Variants in CCDC102B observed in about 807,000 individuals in gnomAD.
The protein encoded by CCDC102B is coiled-coil domain containing 102B.
CCDC102B carries 75 observed loss-of-function variants against 57.4 expected under a neutral mutation model. That is an observed-to-expected ratio of 1.31 (90% CI 1.08 to 1.58). The LOEUF (loss-of-function observed/expected upper bound fraction) is 1.58. Among genes scored for constraint, CCDC102B ranks in the 40% most tolerant of loss-of-function variants. The pLI, the probability that CCDC102B is intolerant of heterozygous loss-of-function variation, is 0.00. For synonymous variants in CCDC102B, 206 were observed against 201.9 expected (o/e 1.02, Z -0.17); for missense variants, 636 against 582.6 (o/e 1.09, Z -0.94).
intron 2 of CCDC102B, among the ~76,000 whole-genome samples, chr18:68,765,263 A>T (rs978121096): frequency 6.7e-6 from 1 of 148,282 alleles, no homozygotes; most frequent in Non-Finnish European, 1.5e-5. Context: ...AGAAGGAGGA[A>T]GGAGAGAAAG....
intron 2 of CCDC102B, among the ~76,000 whole-genome samples, chr18:68,765,287 AG>A (rs576646177): frequency 1.0e-3 from 97 of 97,072 alleles, no homozygotes; most frequent in African/African-American, 3.6e-3. Flanking sequence ...AAGAAAGAAA[AG>A]AAAGAAAGGA....
chr18:68,987,222 C>T (rs527295270), intron 6 of CCDC102B, among the ~76,000 whole-genome samples: 7 of 152,088 alleles, frequency 4.6e-5, no homozygotes, highest in Non-Finnish European at 8.8e-5. Context: ...AGAAAACAGA[C>T]ACATTGACCA....
intron 6 of CCDC102B, among the ~76,000 whole-genome samples, chr18:68,903,827 G>GT (rs2145043917): frequency 6.6e-6 from 1 of 152,266 alleles, no homozygotes; most frequent in East Asian, 1.9e-4. Context: ...TGCCCGGGCA[G>GT]TAATGATGTG....
At chr18:68,835,811 G>A (rs905678145) in intron 1 of CCDC102B, among the ~76,000 whole-genome samples, 2 of 152,112 alleles carry the variant, frequency 1.3e-5, no homozygotes, top group South Asian at 4.1e-4. Context: ...TCAAACACAC[G>A]GAAGGCAGAG....
intron 6 of CCDC102B, among the ~76,000 whole-genome samples, chr18:68,951,011 G>T (rs2049682120): frequency 6.6e-6 from 1 of 152,110 alleles, no homozygotes; most frequent in Non-Finnish European, 1.5e-5. Context: ...ATGGGACAGA[G>T]TTAACAATCT....
intron 4 of CCDC102B, among the ~76,000 whole-genome samples, chr18:68,857,117 ATATTT>A (rs2038439495): frequency 1.7e-5 from 1 of 58,940 alleles, no homozygotes; most frequent in African/African-American, 7.3e-5. Flanking sequence ...ATATATAAAT[ATATTT>A]ATATATTTTT....
At chr18:68,946,409 A>C (rs1291121436) in intron 6 of CCDC102B, among the ~76,000 whole-genome samples, 1 of 152,058 alleles carries the variant, frequency 6.6e-6, no homozygotes, top group Non-Finnish European at 1.5e-5. Flanking sequence ...TAGTGTGTGA[A>C]TATTACATAC....
chr18:69,008,229 A>G (rs2051405967), intron 6 of CCDC102B, among the ~76,000 whole-genome samples: 1 of 152,208 alleles, frequency 6.6e-6, no homozygotes, highest in South Asian at 2.1e-4. Context: ...AGAATATGGT[A>G]TAGAACTTGA....
At chr18:68,768,241 A>G (rs1206071342) in intron 2 of CCDC102B, among the ~76,000 whole-genome samples, 2 of 152,218 alleles carry the variant, frequency 1.3e-5, no homozygotes, top group African/African-American at 4.8e-5. Context: ...TGAAGGCAGC[A>G]AAGACAGATG....
chr18:68,991,567 GA>G (rs1158928328), intron 6 of CCDC102B, among the ~76,000 whole-genome samples: 2 of 152,134 alleles, frequency 1.3e-5, no homozygotes, highest in African/African-American at 4.8e-5. Flanking sequence ...CTGTAAAATA[GA>G]AAAAGAACTT....
intron 2 of CCDC102B, among the ~76,000 whole-genome samples, chr18:68,719,741 A>G (rs532667961): frequency 3.3e-5 from 5 of 152,340 alleles, no homozygotes; most frequent in Admixed American, 3.3e-4. Context: ...TAGCCCAGTC[A>G]AGTTGAAACA....
chr18:68,773,898 C>T (rs1056946815), intron 2 of CCDC102B, among the ~76,000 whole-genome samples: 1 of 151,670 alleles, frequency 6.6e-6, no homozygotes, highest in Non-Finnish European at 1.5e-5. Flanking sequence ...CACATTTTAC[C>T]CAAAATTGAA....
At chr18:68,948,221 A>G (rs1466717944) in intron 6 of CCDC102B, among the ~76,000 whole-genome samples, 1 of 152,142 alleles carries the variant, frequency 6.6e-6, no homozygotes, top group African/African-American at 2.4e-5. Flanking sequence ...TTATGAAAAT[A>G]AATTAGAATT....
intron 2 of CCDC102B, among the ~76,000 whole-genome samples, chr18:68,736,816 T>G (rs995529552): frequency 6.6e-6 from 1 of 152,104 alleles, no homozygotes; most frequent in Non-Finnish European, 1.5e-5. Flanking sequence ...AAGTGGGAAT[T>G]CTGAGAGATA....
intron 4 of CCDC102B, among the ~76,000 whole-genome samples, chr18:68,854,288 A>G (rs2038282659): frequency 6.6e-6 from 1 of 151,878 alleles, no homozygotes; most frequent in Non-Finnish European, 1.5e-5. Context: ...TTAGTAGAGA[A>G]AGGGATTCTC....
intron 6 of CCDC102B, chr18:68,897,728 G>A (rs1190324076): frequency 9.6e-6 from 9 of 939,362 alleles, no homozygotes; most frequent in African/African-American, 1.7e-5. Context: ...TTAAAGCTTT[G>A]TCTCAGTATT....
chr18:68,743,675 A>G (rs1374065902), intron 2 of CCDC102B, among the ~76,000 whole-genome samples: 1 of 152,176 alleles, frequency 6.6e-6, no homozygotes, highest in Non-Finnish European at 1.5e-5. Context: ...TTTCAGATAC[A>G]TGAACTCCTG....
intron 7 of CCDC102B, among the ~76,000 whole-genome samples, chr18:69,032,469 A>G (rs1041185374): frequency 2.6e-5 from 4 of 152,194 alleles, no homozygotes; most frequent in Admixed American, 1.3e-4. Context: ...ACTTAGGTTC[A>G]TGCAACCCCA....
chr18:68,930,058 C>A (rs2041615199), intron 6 of CCDC102B, among the ~76,000 whole-genome samples: 1 of 151,262 alleles, frequency 6.6e-6, no homozygotes, highest in Admixed American at 6.6e-5. Flanking sequence ...TCAGAATTTC[C>A]TAGGACTAAG....
Sources: gnomAD v4.1 joint callset for allele counts (sites outside exome capture counted in the v4.1 genomes callset) on GRCh38, gnomAD v4.1.1 for gene constraint, MANE v1.5 for transcripts, NCBI Gene and HGNC (gene_info 2026-07-23, HGNC 2026-07-21) for gene names.